Variants in NFIX observed in about 807,000 individuals in gnomAD.
NFIX encodes the protein nuclear factor I X, also known as nuclear factor 1 X-type.
In NFIX, 2 loss-of-function variants were observed where a neutral mutation model predicts 53.3. The ratio of observed to expected loss-of-function variants is 0.04; its 90% CI spans 0.02 to 0.12. The LOEUF (loss-of-function observed/expected upper bound fraction) is 0.12. Ranked by LOEUF, NFIX falls within the 10% of genes least tolerant of loss-of-function variation. The pLI is 1.00. For synonymous variants in NFIX, 244 were observed against 289.0 expected, an observed-to-expected ratio of 0.84 and a Z score of 1.58; for missense variants, 310 against 674.5, an observed-to-expected ratio of 0.46 and a Z score of 5.99.
chr19:13,023,858 C>A, intron 1 of NFIX: 1 of 590,746 alleles, frequency 1.7e-6, no homozygotes. Flanking sequence ...TTTGAGAATC[C>A]ACCCAAGCCC....
intron 2 of NFIX, chr19:13,071,074 G>C (rs572666902): frequency 7.2e-5 from 11 of 152,456 alleles, no homozygotes; most frequent in African/African-American, 2.6e-4. Context: ...AGCTCTGGAG[G>C]GCTTGGTGGG....
rs113381182 is a variant in NFIX, at chr19:13,025,645, C to T, written c.559+93C>T. On this transcript the variant is annotated intron_variant, in intron 2 of 10. Transcript: ENST00000592199. This position sits in a 1 kb window ranked among gnomAD's most constrained non-coding sequence, Gnocchi z 7.5. ...TTCCTCTAATTTCCAAGCGATAACT[C>T]GCCATGGGCCTAACTGGTGTATGCC... is the stretch of plus-strand genomic sequence containing the variant. 10,546 of 1,426,862 alleles carry T rather than the reference C, an allele frequency of 7.4e-3. 63 individuals carry two copies. Among genetic ancestry groups the T allele is most frequent in the Non-Finnish European group, 8.1e-3 (8,555 of 1,053,682 alleles). 88.4% of individuals were successfully genotyped at this position (1,426,862 alleles called of 1,614,324 possible).
At chr19:13,091,829 T>G (rs774077273) in intron 10 of NFIX, among the ~76,000 whole-genome samples, 11 of 152,230 alleles carry the variant, frequency 7.2e-5, no homozygotes, top group Non-Finnish European at 1.5e-4. Flanking sequence ...GGTCGTGCGC[T>G]CCGAGGACCA....
intron 2 of NFIX, among the ~76,000 whole-genome samples, chr19:13,026,697 A>G (rs1463520845): frequency 6.6e-6 from 1 of 150,510 alleles, no homozygotes; most frequent in Non-Finnish European, 1.5e-5. Context: ...TGCCCAACCA[A>G]CTTGTAATGA....
chr19:13,078,555 C>T lies in NFIX; in HGVS notation c.956-58C>T. On this transcript the variant is annotated intron_variant, in intron 6 of 10. Transcript: ENST00000592199. This position sits in a 1 kb window ranked among gnomAD's most constrained non-coding sequence, Gnocchi z 4.7. Reference sequence around the variant, plus strand: ...GAGCGAGCTGCTGGCTTCCCGCCTTCCCCGCACCCACCCCAGCCCAGCTAA... The same window carrying T: ...GAGCGAGCTGCTGGCTTCCCGCCTTTCCCGCACCCACCCCAGCCCAGCTAA... 1.3e-6 allele frequency: 2 copies of T among 1,551,166 alleles called. No individual in the cohort carries two copies. The highest frequency in any genetic ancestry group is 1.7e-6 in the Non-Finnish European group (2 of 1,144,732).
chr19:13,087,338 C>G (rs1310658250), intron 8 of NFIX, among the ~76,000 whole-genome samples: 1 of 152,178 alleles, frequency 6.6e-6, no homozygotes. Context: ...TGAAGAACCT[C>G]ACGGGCACTA....
intron 1 of NFIX, among the ~76,000 whole-genome samples, chr19:13,007,344 G>T (rs2012079910): frequency 6.6e-6 from 1 of 152,134 alleles, no homozygotes; most frequent in Admixed American, 6.5e-5. Flanking sequence ...CTCTGGGGTT[G>T]GGGGGCACAT....
At chr19:13,046,088 T>A (rs979721812) in intron 2 of NFIX, among the ~76,000 whole-genome samples, 23 of 152,072 alleles carry the variant, frequency 1.5e-4, no homozygotes, top group African/African-American at 4.1e-4. Flanking sequence ...CTGGATGGAG[T>A]GTAGGAAGCC....
At chr19:13,091,782 C>T (rs2018154896) in intron 10 of NFIX, among the ~76,000 whole-genome samples, 1 of 152,248 alleles carries the variant, frequency 6.6e-6, no homozygotes, top group Admixed American at 6.5e-5. Flanking sequence ...ATCGCTCCCT[C>T]CCTCCTGCTG....
chr19:13,074,030 AGCCCAGTG>A lies in NFIX; in HGVS notation c.818+9_818+16del, dbSNP rs751458715. 33 of 1,613,914 alleles carry A rather than the reference AGCCCAGTG, an allele frequency of 2.0e-5. No homozygotes were observed. In the East Asian group the frequency reaches 6.7e-4, roughly 33 times the overall value. ...TCACCTCCCCTCCTTCCACCAGGTA[AGCCCAGTG>A]GCCCTGCCTTTCCATCTTCTCTCCA... On this transcript the variant is annotated splice_donor_5th_base_variant and intron_variant, in intron 5 of 10. Transcript: ENST00000592199.
At position 12,996,020 on chromosome 19, in the gene NFIX, ACGCGTGCGGG is replaced by A. The variant is rs919358908; in HGVS notation, c.27+159_27+168del. On this transcript the variant is annotated intron_variant, in intron 1 of 10. Coordinates refer to ENST00000592199, the MANE Select transcript of NFIX (RefSeq NM_001365902.3). This position sits in a 1 kb window ranked among gnomAD's most constrained non-coding sequence, Gnocchi z 5.2. ...AGGCTGTGCCGCGGGGAGCCCAGGC[ACGCGTGCGGG>A]CGTCACCGTGCGCGTGCGACCCTGG... 1.3e-5 allele frequency among the ~76,000 whole-genome samples: 2 copies of A among 150,268 alleles called. No homozygotes were observed. The highest frequency in any genetic ancestry group is 4.9e-5 in the African/African-American group (2 of 40,978).
chr19:13,090,163 C>G lies in NFIX; in HGVS notation c.1403-136C>G, dbSNP rs148942560. 0.013 allele frequency: 10,291 copies of G among 807,124 alleles called. 151 individuals carry two copies. The highest frequency in any genetic ancestry group is 0.053 in the African/African-American group (3,184 of 59,654). The allele number at this position is 807,124 out of a possible 1,614,324, so 50.0% of individuals were successfully genotyped here. A position where few individuals can be genotyped will look rare whatever the true frequency, so the allele number is the denominator to read the frequency against. On this transcript the variant is annotated intron_variant, in intron 9 of 10. Coordinates refer to ENST00000592199, the MANE Select transcript of NFIX (RefSeq NM_001365902.3). The surrounding 1 kb of genome is among the most constrained non-coding windows in gnomAD (Gnocchi z 6.6). ...CAGCTCAGATGCCCCTCTGGCCCAT[C>G]CTTCCCACTGCCAGCCTAAACTCGG...
intron 2 of NFIX, among the ~76,000 whole-genome samples, chr19:13,046,370 T>C (rs1237362964): frequency 6.6e-6 from 1 of 152,096 alleles, no homozygotes; most frequent in Non-Finnish European, 1.5e-5. Flanking sequence ...TGGGCCACTG[T>C]GTCTTGTGTT....
At chr19:13,023,115 C>A (rs1421631288) in intron 1 of NFIX, among the ~76,000 whole-genome samples, 1 of 130,816 alleles carries the variant, frequency 7.6e-6, no homozygotes, top group Non-Finnish European at 1.5e-5. Context: ...TCTCCCCCCA[C>A]CCCTTTTTAC....
rs2018096695 is a variant in NFIX, at chr19:13,090,883, C to T, written c.1494+493C>T. Among the ~76,000 whole-genome samples, 2 of 152,166 alleles carry T rather than the reference C, an allele frequency of 1.3e-5. No individual in the cohort carries two copies. The highest frequency in any genetic ancestry group is 1.5e-5 in the Non-Finnish European group (1 of 68,020). ...GCACTGAGGGCAGGGCAGGGCAGGC[C>T]GCCACCCTAGAGGCCCCTCACCCAA... On this transcript the variant is annotated intron_variant, in intron 10 of 10. Coordinates refer to ENST00000592199, the MANE Select transcript of NFIX (RefSeq NM_001365902.3). The surrounding 1 kb of genome is among the most constrained non-coding windows in gnomAD (Gnocchi z 6.6).
At position 13,025,862 on chromosome 19, in the gene NFIX, A is replaced by T. The variant is rs549613159; in HGVS notation, c.559+310A>T. 2.6e-5 allele frequency among the ~76,000 whole-genome samples: 4 copies of T among 152,366 alleles called. No individual in the cohort carries two copies. The South Asian group carries it at 8.3e-4, about 32-fold the overall frequency. The stretch of plus-strand genomic sequence containing the variant: ...TTAGGATTGGGGACATGATGCCCCC[A>T]GAATTATCCATGATGGTGAGAGTTT... On this transcript the variant is annotated intron_variant, in intron 2 of 10. Coordinates refer to ENST00000592199, the MANE Select transcript of NFIX (RefSeq NM_001365902.3). This position sits in a 1 kb window ranked among gnomAD's most constrained non-coding sequence, Gnocchi z 7.5.
In NFIX at chr19:13,045,338, C is replaced by T. The variant is rs1394530438; in HGVS notation, c.559+19786C>T. ...GTTCTCAGTGAGGGTGGTTCTGCCC[C>T]TAGGGTATATTTGGTAGTGGCTGAA... On this transcript the variant is annotated intron_variant, in intron 2 of 10. Coordinates refer to ENST00000592199, the MANE Select transcript of NFIX (RefSeq NM_001365902.3). This position sits in a 1 kb window ranked among gnomAD's most constrained non-coding sequence, Gnocchi z 4.4. Among the ~76,000 whole-genome samples, 2 of 152,060 alleles carry T rather than the reference C, an allele frequency of 1.3e-5. No individual in the cohort carries two copies. Among genetic ancestry groups the T allele is most frequent in the African/African-American group, 2.4e-5 (1 of 41,396 alleles).
At position 13,012,327 on chromosome 19, in the gene NFIX, C is replaced by G. The variant is rs572678271; in HGVS notation, c.28-12694C>G. On this transcript the variant is annotated intron_variant, in intron 1 of 10. Transcript: ENST00000592199. The surrounding 1 kb of genome is among the most constrained non-coding windows in gnomAD (Gnocchi z 5.0). ...ACCGTTTGTGCCGCCAGAGTCTTCTCAATGATCCCTCCCAGGCACCGTAGG... is the reference window on the plus strand; with the variant it reads ...ACCGTTTGTGCCGCCAGAGTCTTCTGAATGATCCCTCCCAGGCACCGTAGG... The G allele has an allele frequency of 6.6e-6, 1 of 152,244 alleles. No individual in the cohort carries two copies. The highest frequency in any genetic ancestry group is 2.1e-4 in the South Asian group (1 of 4,820). The allele number at this position is 152,244 out of a possible 1,614,324, so 9.4% of individuals were successfully genotyped here.
intron 2 of NFIX, among the ~76,000 whole-genome samples, chr19:13,035,329 C>T (rs1351455157): frequency 6.6e-6 from 1 of 152,232 alleles, no homozygotes; most frequent in Non-Finnish European, 1.5e-5. Flanking sequence ...TCACCTCCCC[C>T]TGGTTGGAAC....
Sources: allele counts gnomAD v4.1 joint callset (sites outside exome capture counted in the v4.1 genomes callset), GRCh38; gene constraint gnomAD v4.1.1; non-coding constraint Gnocchi (gnomAD v3.1); transcripts MANE v1.5; gene names NCBI Gene and HGNC (gene_info 2026-07-23, HGNC 2026-07-21).